The following HS1BP3 variants were observed in gnomAD, a reference collection of about 807,000 sequenced individuals.
HS1BP3 encodes the protein HCLS1 binding protein 3.
HS1BP3 carries 32 observed loss-of-function variants against 33.5 expected under a neutral mutation model. That is an observed-to-expected ratio of 0.95 (90% CI 0.72 to 1.28). The LOEUF is 1.28. Ranked by LOEUF, HS1BP3 falls within the 50% of genes most tolerant of loss-of-function variation. The probability of loss-of-function intolerance (pLI) is 0.00; values close to 1 mark genes in which losing one functional copy is unlikely to be tolerated. For synonymous variants in HS1BP3, 187 were observed against 209.2 expected (o/e 0.89, Z 0.92); for missense variants, 486 against 502.3 (o/e 0.97, Z 0.31).
intron 2 of HS1BP3, chr2:20,606,396 C>T: frequency 2.1e-6 from 1 of 469,148 alleles, no homozygotes; most frequent in Non-Finnish European, 4.2e-6. Flanking sequence ...CTCCTGAAGG[C>T]TGCCCTGGCC....
intron 2 of HS1BP3, among the ~76,000 whole-genome samples, chr2:20,641,554 CT>C: frequency 6.6e-6 from 1 of 152,226 alleles, no homozygotes; most frequent in Non-Finnish European, 1.5e-5. Flanking sequence ...GGCAGGTCAT[CT>C]TCCTGCAACA....
rs139571799 is a variant in HS1BP3, at chr2:20,623,831, C to T, written c.920+65G>A. 5,473 of 1,515,918 alleles carry T rather than the reference C, an allele frequency of 3.6e-3. 10 individuals are homozygous for T. The highest frequency in any genetic ancestry group is 4.4e-3 in the Non-Finnish European group (5,007 of 1,130,664). The allele number at this position is 1,515,918 out of a possible 1,614,324, so 93.9% of individuals were successfully genotyped here. On this transcript the variant is annotated intron_variant, in intron 6 of 6. Transcript: ENST00000304031. ...CTGGGGCTGAGACTGGGCAATGAGC[C>T]GGGCCCTTGGCTCTGTCCAGAACAC...
chr2:20,632,839 C>A (rs184030959), intron 4 of HS1BP3, among the ~76,000 whole-genome samples: 1 of 152,168 alleles, frequency 6.6e-6, no homozygotes, highest in African/African-American at 2.4e-5. Flanking sequence ...GGTGTACCGG[C>A]GCTCCTGGAG....
intron 5 of HS1BP3, among the ~76,000 whole-genome samples, chr2:20,581,715 C>T: frequency 6.6e-6 from 1 of 152,340 alleles, no homozygotes; most frequent in East Asian, 1.9e-4. Flanking sequence ...CCTGGATCCT[C>T]TGCTCAGGGT....
At chr2:20,643,374 C>T (rs942860041) in intron 2 of HS1BP3, among the ~76,000 whole-genome samples, 6 of 152,326 alleles carry the variant, frequency 3.9e-5, no homozygotes, top group Admixed American at 1.3e-4. Flanking sequence ...TGCCCCGCAA[C>T]ATCAAGCTCA....
intron 2 of HS1BP3, among the ~76,000 whole-genome samples, chr2:20,608,941 G>C (rs1213689744): frequency 2.1e-4 from 32 of 152,212 alleles, no homozygotes; most frequent in Non-Finnish European, 1.5e-5. Context: ...GAAGAGGCCT[G>C]AGGCACACTT....
intron 2 of HS1BP3, among the ~76,000 whole-genome samples, chr2:20,610,027 C>T (rs1694286190): frequency 6.6e-6 from 1 of 152,190 alleles, no homozygotes; most frequent in Non-Finnish European, 1.5e-5. Flanking sequence ...AGCTTCCTCC[C>T]TGTGGTTCCT....
intron 5 of HS1BP3, among the ~76,000 whole-genome samples, chr2:20,582,787 C>T (rs28666627): frequency 0.03 from 4,593 of 152,220 alleles, 219 homozygotes; most frequent in African/African-American, 0.11. Flanking sequence ...GCTCATCCTG[C>T]TCCAGGGAAG....
At chr2:20,606,372 C>T in intron 2 of HS1BP3, 1 of 466,262 alleles carries the variant, frequency 2.1e-6, no homozygotes, top group South Asian at 1.8e-5. Flanking sequence ...TTTGATGAGT[C>T]CTTTGCTAAG....
At position 20,587,301 on chromosome 2, in the gene HS1BP3, G is replaced by T. The variant is rs80058197; in HGVS notation, c.303-26786C>A. Among the ~76,000 whole-genome samples, 6 of 152,276 alleles carry T rather than the reference G, an allele frequency of 3.9e-5. No individual in the cohort carries two copies. The East Asian group carries it at 9.7e-4, about 25-fold the overall frequency. ...GAAAAAAGGAGGCTGCAAAGCGTAC[G>T]AGCCCACTCTTAGGAAGCATGTATA... is the stretch of plus-strand genomic sequence containing the variant. On this transcript the variant is annotated intron_variant, in intron 5 of 5. Transcript: ENST00000446825.
intron 5 of HS1BP3, 142 bp from the exon 6 acceptor site, chr2:20,624,173 G>T (rs1212623637): frequency 1.8e-6 from 2 of 1,087,968 alleles, no homozygotes; most frequent in African/African-American, 1.6e-5. Flanking sequence ...CATAACTGGT[G>T]CTGCTTTGTA....
At chr2:20,616,028 C>T (rs978429326), downstream of HS1BP3, among the ~76,000 whole-genome samples, 7 of 152,168 alleles carry the variant, frequency 4.6e-5, no homozygotes, top group Non-Finnish European at 8.8e-5. Flanking sequence ...GGAACAATGC[C>T]GGGAGGAAGG....
chr2:20,622,224 C>A, intron 6 of HS1BP3: 1 of 1,298,706 alleles, frequency 7.7e-7, no homozygotes, highest in Non-Finnish European at 1.0e-6. Flanking sequence ...GGAAGTCCAA[C>A]TACTCCCTGG....
chr2:20,589,659 C>T (rs568134632), downstream of HS1BP3, among the ~76,000 whole-genome samples: 4 of 152,310 alleles, frequency 2.6e-5, no homozygotes, highest in South Asian at 6.2e-4. Flanking sequence ...GTGATAAGCA[C>T]CCCCAACCCT....
chr2:20,582,036 A>G (rs939935917), intron 5 of HS1BP3, among the ~76,000 whole-genome samples: 27 of 152,018 alleles, frequency 1.8e-4, no homozygotes, highest in African/African-American at 6.1e-4. Flanking sequence ...GTCTGTTTTT[A>G]TTAACTGAAA....
intron 5 of HS1BP3, among the ~76,000 whole-genome samples, chr2:20,583,855 C>A (rs917949393): frequency 2.6e-5 from 4 of 152,174 alleles, no homozygotes; most frequent in Non-Finnish European, 5.9e-5. Flanking sequence ...TCTGAGATCA[C>A]CTGGAAGGAA....
In HS1BP3 at chr2:20,627,863, G is replaced by A. The variant is rs181521305; in HGVS notation, c.624-2971C>T. The stretch of plus-strand genomic sequence containing the variant: ...CTCTGGGGGCTTAGTAATGTGCCTG[G>A]TCCATAACAGATGCCTTGATAAACT... On this transcript the variant is annotated intron_variant, in intron 4 of 6. Coordinates refer to ENST00000304031, the MANE Select transcript of HS1BP3 (RefSeq NM_022460.4). Among the ~76,000 whole-genome samples the A allele has an allele frequency of 2.3e-3, 351 of 152,292 alleles. 1 individual carries two copies. Among genetic ancestry groups the A allele is most frequent in the Non-Finnish European group, 3.3e-3 (225 of 68,038 alleles).
At chr2:20,554,956 C>A in the HS1BP3 span, among the ~76,000 whole-genome samples, 1 of 152,224 alleles carries the variant, frequency 6.6e-6, no homozygotes, top group Admixed American at 6.5e-5. Context: ...CTTTCCAGCT[C>A]CTCCTGGCCC....
In HS1BP3 at chr2:20,623,960, C is replaced by T. The variant is rs369503300; in HGVS notation, c.856G>A (p.Ala286Thr). The T allele has an allele frequency of 9.3e-6, 15 of 1,612,470 alleles. No individual in the cohort carries two copies. The highest frequency in any genetic ancestry group is 3.3e-5 in the South Asian group (3 of 91,024). ...GGTGTGGGCCCTCCACTCTCACAGG[C>T]GGCTGGCAGCAGGAGGGAGTCACCC... ...PLGDSLLLPA[A>T]CESGGPTPSL... The change falls in exon 6 of 7, where the codon GCC becomes ACC. Residue 286 changes from alanine (A) to threonine (T), a missense_variant. Ala to Thr is a moderately conservative substitution (Grantham distance 58). Transcript: ENST00000304031.
Sources: allele counts gnomAD v4.1 joint callset (sites outside exome capture counted in the v4.1 genomes callset), GRCh38; gene constraint gnomAD v4.1.1; transcripts MANE v1.5; gene names NCBI Gene and HGNC (gene_info 2026-07-23, HGNC 2026-07-21).